The following LINGO2 variants were observed in gnomAD, a reference collection of about 807,000 sequenced individuals.
LINGO2 encodes leucine rich repeat and Ig domain containing 2.
LINGO2 carries 14 observed loss-of-function variants against 30.6 expected under a neutral mutation model. The observed-to-expected ratio is 0.46, with a 90% confidence interval of 0.30 to 0.72. The LOEUF (loss-of-function observed/expected upper bound fraction) is 0.72, where lower values mean the gene tolerates loss of function less well. Among genes scored for constraint, LINGO2 ranks in the 30% least tolerant of loss-of-function variants. LINGO2 has a pLI of 0.07. For synonymous variants in LINGO2, 317 were observed against 288.5 expected (o/e 1.10, Z -1.00); for missense variants, 729 against 751.7 (o/e 0.97, Z 0.35).
chr9:28,167,162 T>A (rs977086390), intron 4 of LINGO2, among the ~76,000 whole-genome samples: 1 of 128,960 alleles, frequency 7.8e-6, no homozygotes, highest in Non-Finnish European at 1.6e-5. Flanking sequence ...ACTTTTCTTT[T>A]CTCCAGCTTT....
intron 4 of LINGO2, among the ~76,000 whole-genome samples, chr9:28,060,365 T>C (rs1186295514): frequency 6.6e-6 from 1 of 152,214 alleles, no homozygotes; most frequent in African/African-American, 2.4e-5. Context: ...CTAATTACAC[T>C]GTATAATGCT....
chr9:29,037,930 A>C, the LINGO2 span, among the ~76,000 whole-genome samples: 1 of 152,030 alleles, frequency 6.6e-6, no homozygotes, highest in South Asian at 2.1e-4. Context: ...TAATAGAAAA[A>C]ATATCATTTC....
chr9:27,944,009 G>A (rs1188448291), downstream of LINGO2: 3 of 152,160 alleles, frequency 2.0e-5, no homozygotes, highest in Non-Finnish European at 4.4e-5. Context: ...AATTTGGAAA[G>A]AGTAACATCA....
intron 2 of LINGO2, among the ~76,000 whole-genome samples, chr9:28,434,980 T>G (rs1823865436): frequency 1.3e-5 from 2 of 152,172 alleles, no homozygotes; most frequent in Non-Finnish European, 2.9e-5. Flanking sequence ...CCTCTACATT[T>G]TTCTTCCTTA....
At chr9:28,456,962 G>A (rs1212199057) in intron 2 of LINGO2, among the ~76,000 whole-genome samples, 1 of 152,056 alleles carries the variant, frequency 6.6e-6, no homozygotes, top group Non-Finnish European at 1.5e-5. Flanking sequence ...CACATTTGGA[G>A]AGCCTCCAGA....
chr9:28,878,623 CA>C, the LINGO2 span, among the ~76,000 whole-genome samples: 1 of 152,180 alleles, frequency 6.6e-6, no homozygotes, highest in South Asian at 2.1e-4. Context: ...AGCAGAATAT[CA>C]AAAAGCTTAT....
chr9:28,376,537 G>A (rs192207862), intron 2 of LINGO2, among the ~76,000 whole-genome samples: 1 of 152,308 alleles, frequency 6.6e-6, no homozygotes, highest in African/African-American at 2.4e-5. Flanking sequence ...CCACAGCTGA[G>A]TCCTTCTCTG....
At chr9:28,946,376 G>A in the LINGO2 span, among the ~76,000 whole-genome samples, 1 of 152,154 alleles carries the variant, frequency 6.6e-6, no homozygotes, top group Non-Finnish European at 1.5e-5. Flanking sequence ...GTTTGGTTAG[G>A]AGCTTCTGTA....
chr9:28,561,792 T>C (rs558831133), intron 1 of LINGO2, among the ~76,000 whole-genome samples: 3 of 123,624 alleles, frequency 2.4e-5, no homozygotes, highest in Admixed American at 8.8e-5. Flanking sequence ...AAAAATATGC[T>C]ACTAGAACTG....
the LINGO2 span, among the ~76,000 whole-genome samples, chr9:28,962,755 A>G: frequency 6.6e-6 from 1 of 151,714 alleles, no homozygotes; most frequent in Non-Finnish European, 1.5e-5. Context: ...ATTCTCATAT[A>G]TCTATACATT....
intron 1 of LINGO2, among the ~76,000 whole-genome samples, chr9:28,641,056 C>T (rs905645942): frequency 1.3e-5 from 2 of 151,988 alleles, no homozygotes; most frequent in African/African-American, 2.4e-5. Flanking sequence ...TTTGTTGAGA[C>T]GGAGTCTCAC....
At chr9:28,033,112 T>C (rs568160261) in intron 4 of LINGO2, among the ~76,000 whole-genome samples, 3 of 152,346 alleles carry the variant, frequency 2.0e-5, no homozygotes, top group South Asian at 2.1e-4. Context: ...TTTGCTGCTA[T>C]GATCCCTTTA....
chr9:28,947,205 C>A, the LINGO2 span, among the ~76,000 whole-genome samples: 24,288 of 151,848 alleles, frequency 0.16, 1,967 homozygotes, highest in South Asian at 0.2. Flanking sequence ...ATAGAAGCTT[C>A]AATTTCCATT....
chr9:28,308,293 T>C (rs1203730211), intron 3 of LINGO2, among the ~76,000 whole-genome samples: 1 of 130,584 alleles, frequency 7.7e-6, no homozygotes, highest in Non-Finnish European at 1.8e-5. Flanking sequence ...CACAACTATC[T>C]GATCTTTGAC....
At chr9:28,724,734 G>T in the LINGO2 span, among the ~76,000 whole-genome samples, 1 of 152,126 alleles carries the variant, frequency 6.6e-6, no homozygotes, top group Non-Finnish European at 1.5e-5. Flanking sequence ...CCCACAAAGA[G>T]AAAGTATGCA....
intron 1 of LINGO2, among the ~76,000 whole-genome samples, chr9:28,531,319 G>A (rs899710559): frequency 6.6e-6 from 1 of 151,748 alleles, no homozygotes; most frequent in Non-Finnish European, 1.5e-5. Context: ...ACACAATCTC[G>A]GGAGCATTAA....
chr9:28,818,274 C>T, the LINGO2 span, among the ~76,000 whole-genome samples: 10 of 152,138 alleles, frequency 6.6e-5, no homozygotes, highest in East Asian at 1.9e-4. Flanking sequence ...TTCTAAAGTA[C>T]GGGTCCTAGA....
the LINGO2 span, among the ~76,000 whole-genome samples, chr9:28,797,329 C>CATATATATATATATATAT: frequency 3.0e-5 from 2 of 65,948 alleles, no homozygotes; most frequent in Admixed American, 2.6e-4. Context: ...ATCATATATA[C>CATATATATATATATATAT]ATATATATAT....
At chr9:29,074,898 A>C in the LINGO2 span, among the ~76,000 whole-genome samples, 1,101 of 151,458 alleles carry the variant, frequency 7.3e-3, 12 homozygotes, top group African/African-American at 0.026. Flanking sequence ...GGATGGTCTC[A>C]ATCTCCTGAC....
Sources: allele counts gnomAD v4.1 joint callset (sites outside exome capture counted in the v4.1 genomes callset), GRCh38; gene constraint gnomAD v4.1.1; transcripts MANE v1.5; gene names NCBI Gene and HGNC (gene_info 2026-07-23, HGNC 2026-07-21).